Variants in SUSD1 observed in about 807,000 individuals in gnomAD.
SUSD1 encodes sushi domain containing 1, also known as sushi domain-containing protein 1.
A neutral mutation model predicts 86.9 loss-of-function variants in SUSD1; 65 were observed. The ratio of observed to expected loss-of-function variants is 0.75; its 90% confidence interval spans 0.61 to 0.92. The LOEUF is 0.92. Ranked by LOEUF, SUSD1 falls within the 40% of genes least tolerant of loss-of-function variation. The pLI, the probability that SUSD1 is intolerant of heterozygous loss-of-function variation, is 0.00. For missense variants in SUSD1, 850 were observed against 929.7 expected, an observed-to-expected ratio of 0.91 and a Z score of 1.11; for synonymous variants, 346 against 350.0, an observed-to-expected ratio of 0.99 and a Z score of 0.13.
chr9:112,068,959 G>A (rs1355435481), intron 12 of SUSD1, among the ~76,000 whole-genome samples: 2 of 152,114 alleles, frequency 1.3e-5, no homozygotes, highest in Non-Finnish European at 2.9e-5. Flanking sequence ...GGGGGAAGAC[G>A]AGAAGCAGCT....
chr9:112,074,697 G>A (rs905919050), intron 12 of SUSD1, among the ~76,000 whole-genome samples: 1 of 151,892 alleles, frequency 6.6e-6, no homozygotes, highest in Non-Finnish European at 1.5e-5. Context: ...TGATTTTACC[G>A]AAATAAGGCC....
chr9:112,058,818 G>C, intron 13 of SUSD1, 132 bp from the exon 14 acceptor site: 1 of 1,120,094 alleles, frequency 8.9e-7, no homozygotes, highest in Non-Finnish European at 1.2e-6. Context: ...TTTTTGAGAT[G>C]GAGTCTTGCT....
intron 2 of SUSD1, among the ~76,000 whole-genome samples, chr9:112,155,657 C>T (rs768970587): frequency 7.3e-5 from 11 of 151,282 alleles, no homozygotes; most frequent in Non-Finnish European, 1.5e-4. Flanking sequence ...CTTGTTCTGT[C>T]GCCCAGACTG....
At chr9:112,165,942 GAAGAAAGAAAGAAAGAAAGA>G (rs10525522) in intron 1 of SUSD1, among the ~76,000 whole-genome samples, 11 of 71,962 alleles carry the variant, frequency 1.5e-4, no homozygotes, top group African/African-American at 3.8e-4. Flanking sequence ...AAGAAAGAAA[GAAGAAAGAAAGAAAGAAAGA>G]AAGAAAGAAA....
At chr9:112,089,411 A>G (rs557842271) in intron 10 of SUSD1, among the ~76,000 whole-genome samples, 1 of 152,370 alleles carries the variant, frequency 6.6e-6, no homozygotes, top group Non-Finnish European at 1.5e-5. Flanking sequence ...ATCAAAAAGC[A>G]TTAAATATGA....
chr9:112,138,238 T>TATATACAC (rs1832358944), intron 5 of SUSD1, among the ~76,000 whole-genome samples: 1 of 37,006 alleles, frequency 2.7e-5, no homozygotes, highest in Non-Finnish European at 5.2e-5. Flanking sequence ...AAAAAATGTG[T>TATATACAC]ATATATATAT....
intron 15 of SUSD1, among the ~76,000 whole-genome samples, chr9:112,044,027 T>C (rs1827856716): frequency 6.6e-6 from 1 of 152,162 alleles, no homozygotes; most frequent in Admixed American, 6.5e-5. Flanking sequence ...CTCGAACTCT[T>C]GACCTCAGGC....
At position 112,157,583 on chromosome 9, in the gene SUSD1, T is replaced by G; in HGVS notation, c.134A>C (p.His45Pro). The change falls in exon 2 of 17, where the codon CAT becomes CCT. Residue 45 changes from histidine to proline, a missense_variant. By Grantham distance (77) the His-to-Pro change is moderately conservative. Transcript: ENST00000374270. ...CCCTTCTCTTTGCTGGCATGTGGCA[T>G]GTTCATGGCAAGTGGCACAGACGTC... ...GLDVCATCHE[H>P]ATCQQREGKK... 6.2e-7 allele frequency: 1 copy of G among 1,614,136 alleles called. No individual in the cohort carries two copies. Among genetic ancestry groups the G allele is most frequent in the Non-Finnish European group, 8.5e-7 (1 of 1,179,988 alleles).
intron 5 of SUSD1, among the ~76,000 whole-genome samples, chr9:112,127,655 G>GT (rs1831836617): frequency 6.6e-6 from 1 of 152,126 alleles, no homozygotes; most frequent in Admixed American, 6.6e-5. Context: ...AACAAAGTGG[G>GT]TAAGATTTCT....
intron 1 of SUSD1, among the ~76,000 whole-genome samples, chr9:112,174,512 C>A (rs1412170183): frequency 6.6e-6 from 1 of 152,194 alleles, no homozygotes; most frequent in Admixed American, 6.5e-5. Context: ...GGTCTAAATC[C>A]TCCAGACAAT....
At chr9:112,145,105 A>C (rs1258415113) in intron 3 of SUSD1, among the ~76,000 whole-genome samples, 2 of 152,142 alleles carry the variant, frequency 1.3e-5, no homozygotes, top group Non-Finnish European at 2.9e-5. Context: ...TATTTTCATC[A>C]GAGCCACATA....
chr9:112,139,471 G>C (rs1024352473), intron 5 of SUSD1, among the ~76,000 whole-genome samples: 2 of 151,930 alleles, frequency 1.3e-5, no homozygotes, highest in Admixed American at 6.6e-5. Context: ...TATGAGATAG[G>C]ATCTTGCTCT....
chr9:112,083,483 C>T (rs1829853726), intron 10 of SUSD1, among the ~76,000 whole-genome samples: 1 of 152,158 alleles, frequency 6.6e-6, no homozygotes, highest in Admixed American at 6.5e-5. Context: ...CCACCTTGGC[C>T]TCCCAAAGTG....
chr9:112,067,215 T>A (rs1014283308), intron 12 of SUSD1, among the ~76,000 whole-genome samples: 3 of 152,184 alleles, frequency 2.0e-5, no homozygotes, highest in Admixed American at 1.3e-4. Context: ...TCTTAGATTG[T>A]AGCTGTAAGT....
chr9:112,096,111 G>T (rs1190877484), intron 10 of SUSD1, among the ~76,000 whole-genome samples: 1 of 152,118 alleles, frequency 6.6e-6, no homozygotes, highest in Non-Finnish European at 1.5e-5. Context: ...AACCTACAGA[G>T]GCTGAACTAT....
At chr9:112,061,265 G>C (rs1023038170) in intron 13 of SUSD1, among the ~76,000 whole-genome samples, 1 of 152,134 alleles carries the variant, frequency 6.6e-6, no homozygotes, top group African/African-American at 2.4e-5. Context: ...GCAGACTCAG[G>C]CCTGTCTCAC....
chr9:112,156,459 T>TA (rs1833326119), intron 2 of SUSD1, among the ~76,000 whole-genome samples: 2 of 142,926 alleles, frequency 1.4e-5, no homozygotes, highest in Non-Finnish European at 1.5e-5. Context: ...AGACTCCATC[T>TA]CAAAAAAAAA....
At chr9:112,052,200 T>G in intron 15 of SUSD1, 199 bp downstream of exon 15, 2 of 1,507,296 alleles carry the variant, frequency 1.3e-6, no homozygotes, top group Non-Finnish European at 1.8e-6. Flanking sequence ...CTTGGTGGGG[T>G]AGCTCTTTGT....
At chr9:112,115,303 T>C (rs1831266006) in intron 6 of SUSD1, among the ~76,000 whole-genome samples, 1 of 152,214 alleles carries the variant, frequency 6.6e-6, no homozygotes, top group African/African-American at 2.4e-5. Flanking sequence ...TCAGCAGCAA[T>C]GCCTAGATTC....
Sources: gnomAD v4.1 joint callset for allele counts (sites outside exome capture counted in the v4.1 genomes callset) on GRCh38, gnomAD v4.1.1 for gene constraint, MANE v1.5 for transcripts, NCBI Gene and HGNC (gene_info 2026-07-23, HGNC 2026-07-21) for gene names.